TMEM67: variants seen among roughly 807,000 people sequenced by gnomAD.
The protein encoded by TMEM67 is meckelin.
TMEM67 carries 124 observed loss-of-function variants against 136.6 expected under a neutral mutation model. The observed-to-expected ratio is 0.91, with a 90% CI of 0.78 to 1.05. The LOEUF is 1.05. Ranked by LOEUF, TMEM67 falls within the 50% of genes least tolerant of loss-of-function variation. TMEM67 has a pLI of 0.00. For missense variants in TMEM67, 1,107 were observed against 1,178.4 expected (o/e 0.94, Z 0.89); for synonymous variants, 364 against 390.5 (o/e 0.93, Z 0.80).
In TMEM67 at chr8:93,779,303, C is replaced by G. The variant is rs976399177; in HGVS notation, c.715-1290C>G. Among the ~76,000 whole-genome samples, 15 of 152,266 alleles carry G rather than the reference C, an allele frequency of 9.9e-5. No individual in the cohort carries two copies. The South Asian group carries it at 1.7e-3, about 17-fold the overall frequency. On this transcript the variant is annotated intron_variant, in intron 7 of 27. Coordinates refer to ENST00000453321, the MANE Select transcript of TMEM67 (RefSeq NM_153704.6). ...GCTTCCTTCCGACGGGTTCGAACAT[C>G]CTCCTTTAGCTCAGAGAAGTTTGTT...
chr8:93,813,940 C>T (rs1315477051), intron 26 of TMEM67, among the ~76,000 whole-genome samples: 1 of 152,048 alleles, frequency 6.6e-6, no homozygotes, highest in Non-Finnish European at 1.5e-5. Flanking sequence ...AAGGATATAA[C>T]TTATAGATCA....
intron 27 of TMEM67, 150 bp from the exon 28 acceptor site, chr8:93,816,222 A>C (rs918669504): frequency 4.5e-6 from 2 of 446,570 alleles, no homozygotes; most frequent in Middle Eastern, 6.1e-4. Context: ...TATCATCTTG[A>C]AATAATTTTA....
chr8:93,817,032 A>G lies in TMEM67; in HGVS notation c.*580A>G, dbSNP rs995505639. 2.0e-5 allele frequency: 3 copies of G among 152,412 alleles called. No individual in the cohort carries two copies. The highest frequency in any genetic ancestry group is 1.5e-5 in the Non-Finnish European group (1 of 68,178). The allele number at this position is 152,412 out of a possible 1,614,324, so 9.4% of individuals were successfully genotyped here. The stretch of plus-strand genomic sequence containing the variant: ...GGGTTAATATGCATCTCATGAAATG[A>G]TATCTTTTCATTCCTTTGTATACCT... On this transcript the variant is annotated 3_prime_UTR_variant, in exon 28 of 28. Coordinates refer to ENST00000453321, the MANE Select transcript of TMEM67 (RefSeq NM_153704.6).
the TMEM67 span, among the ~76,000 whole-genome samples, chr8:93,826,675 C>CT: frequency 7.6e-4 from 116 of 152,284 alleles, no homozygotes; most frequent in Middle Eastern, 3.4e-3. Flanking sequence ...CCAATGATCT[C>CT]TAAGTCCTCT....
In TMEM67 at chr8:93,808,870, C is replaced by A. The variant is rs1483136796; in HGVS notation, c.2470C>A (p.Pro824Thr). 6.2e-7 allele frequency: 1 copy of A among 1,612,056 alleles called. No individual in the cohort carries two copies. The highest frequency in any genetic ancestry group is 8.5e-7 in the Non-Finnish European group (1 of 1,178,548). ...ENLCSQRGLV[P>T]NTDGQTFEIA... ...TTTGTGTAGCCAGAGAGGTTTGGTA[C>A]CCAACACAGATGGTCAGACTTTTGA... Residue 824 changes from proline to threonine, a missense_variant, in exon 24 of 28, where the codon CCC becomes ACC. Coordinates refer to ENST00000453321, the MANE Select transcript of TMEM67 (RefSeq NM_153704.6).
At chr8:93,755,212 G>A (rs1812515981) in intron 1 of TMEM67, 75 bp downstream of exon 1, 1 of 1,330,112 alleles carries the variant, frequency 7.5e-7, no homozygotes, top group South Asian at 1.2e-5. Flanking sequence ...CGTAAATGGA[G>A]TTTCACCATG....
downstream of TMEM67, among the ~76,000 whole-genome samples, chr8:93,818,734 A>G (rs960206657): frequency 2.0e-5 from 3 of 152,190 alleles, no homozygotes; most frequent in Non-Finnish European, 4.4e-5. Flanking sequence ...TTCATTCTAC[A>G]TCTCTGCAAT....
rs777019450 is a variant in TMEM67 at position 93,797,415 on chromosome 8, CTG to C, written c.2048_2049del (p.Val683GlufsTer4). The C allele has an allele frequency of 1.9e-6, 3 of 1,613,892 alleles. No homozygotes were observed. The highest frequency in any genetic ancestry group is 2.5e-6 in the Non-Finnish European group (3 of 1,179,808). Reference sequence around the variant, plus strand: ...GCAAATGAATGGAATGAAATTCAGACTGTGAGAAAAATTAATTCACTCTTTCA... The same window carrying C: ...GCAAATGAATGGAATGAAATTCAGACTGAGAAAAATTAATTCACTCTTTCA... On this transcript the variant is annotated frameshift_variant, in exon 20 of 28. Coordinates refer to ENST00000453321, the MANE Select transcript of TMEM67 (RefSeq NM_153704.6). LOFTEE classifies it high-confidence loss of function.
chr8:93,815,057 A>G (rs1025315692), intron 26 of TMEM67, among the ~76,000 whole-genome samples: 2 of 152,230 alleles, frequency 1.3e-5, no homozygotes, highest in Non-Finnish European at 2.9e-5. Context: ...TTACACTACT[A>G]GCAATTACCA....
At chr8:93,810,890 C>A (rs750866334) in intron 26 of TMEM67, among the ~76,000 whole-genome samples, 1 of 152,088 alleles carries the variant, frequency 6.6e-6, no homozygotes, top group Non-Finnish European at 1.5e-5. Flanking sequence ...GTAAAAATCA[C>A]TATTATTTGT....
intron 7 of TMEM67, among the ~76,000 whole-genome samples, chr8:93,776,822 T>G (rs1270247036): frequency 6.6e-6 from 1 of 152,230 alleles, no homozygotes; most frequent in East Asian, 1.9e-4. Flanking sequence ...TCTTTTTTTG[T>G]TGTATCTCTG....
intron 7 of TMEM67, among the ~76,000 whole-genome samples, chr8:93,776,861 C>T (rs886933373): frequency 5.9e-5 from 9 of 152,150 alleles, no homozygotes; most frequent in African/African-American, 2.2e-4. Context: ...ATGATGCTGG[C>T]CTCATAAAAT....
chr8:93,768,984 A>G (rs910048454), intron 6 of TMEM67, among the ~76,000 whole-genome samples: 1 of 152,050 alleles, frequency 6.6e-6, no homozygotes, highest in Non-Finnish European at 1.5e-5. Flanking sequence ...AAAAAAAAAC[A>G]AAACCACCTC....
intron 6 of TMEM67, among the ~76,000 whole-genome samples, chr8:93,769,324 A>G (rs1206145632): frequency 6.6e-6 from 1 of 152,236 alleles, no homozygotes; most frequent in African/African-American, 2.4e-5. Flanking sequence ...GGAGGAAGCG[A>G]GGTCAGCCGG....
chr8:93,792,803 C>A (rs1445710315), intron 15 of TMEM67, among the ~76,000 whole-genome samples: 4 of 148,340 alleles, frequency 2.7e-5, no homozygotes, highest in Admixed American at 6.7e-5. Context: ...TGGAGTCTCA[C>A]TCTGTCGCCC....
intron 20 of TMEM67, 25 bp from the exon 21 acceptor site, chr8:93,799,593 T>C: frequency 1.2e-6 from 2 of 1,611,822 alleles, no homozygotes; most frequent in Non-Finnish European, 1.7e-6. Context: ...TCCGTTTAAA[T>C]TACTACTTTT....
At chr8:93,808,507 A>AT (rs1808546357) in intron 23 of TMEM67, among the ~76,000 whole-genome samples, 9 of 10,368 alleles carry the variant, frequency 8.7e-4, no homozygotes, top group African/African-American at 3.0e-3. Flanking sequence ...ATTATAGATG[A>AT]ATATATATAT....
intron 20 of TMEM67, 78 bp from the exon 21 acceptor site, chr8:93,799,540 G>A: frequency 7.0e-7 from 1 of 1,422,962 alleles, no homozygotes; most frequent in Non-Finnish European, 9.8e-7. Flanking sequence ...TGAGTAGGGA[G>A]AGGTTTTCTG....
chr8:93,802,196 C>T (rs576993393), intron 21 of TMEM67, among the ~76,000 whole-genome samples: 2 of 152,272 alleles, frequency 1.3e-5, no homozygotes, highest in African/African-American at 4.8e-5. Context: ...GTCCTTCTGC[C>T]CAGCCACAAG....
Sources: allele counts gnomAD v4.1 joint callset (sites outside exome capture counted in the v4.1 genomes callset), GRCh38; gene constraint gnomAD v4.1.1; transcripts MANE v1.5; gene names NCBI Gene and HGNC (gene_info 2026-07-23, HGNC 2026-07-21).